TXNDC16: variants seen among roughly 807,000 people sequenced by gnomAD.
TXNDC16 encodes the protein thioredoxin domain-containing protein 16.
In TXNDC16, 74 loss-of-function variants were observed where a neutral mutation model predicts 85.6. That is an observed-to-expected ratio of 0.86 (90% CI 0.72 to 1.05). The LOEUF is 1.05. TXNDC16 is among the 50% of genes least tolerant of loss of function. TXNDC16 has a pLI of 0.00. For synonymous variants in TXNDC16, 335 were observed against 326.5 expected (o/e 1.03, Z -0.28); for missense variants, 959 against 947.0 (o/e 1.01, Z -0.17).
intron 14 of TXNDC16, among the ~76,000 whole-genome samples, chr14:52,480,975 G>GTATATATATATA (rs141877325): frequency 2.6e-4 from 35 of 134,992 alleles, no homozygotes; most frequent in Middle Eastern, 3.5e-3. Flanking sequence ...ATATATATAT[G>GTATATATATATA]TATATATATA....
intron 9 of TXNDC16, among the ~76,000 whole-genome samples, chr14:52,497,268 A>C (rs1039477178): frequency 6.6e-6 from 1 of 152,180 alleles, no homozygotes; most frequent in Non-Finnish European, 1.5e-5. Context: ...ACAACCTACC[A>C]AGACTGAATC....
chr14:52,520,821 A>G lies in TXNDC16; in HGVS notation c.393-1528T>C, dbSNP rs111655364. Reference sequence around the variant, plus strand: ...AACAAAGGTTCACTCAAATACTTCAAATAAATTAGTCAAACATCATTTCCT... The same window carrying G: ...AACAAAGGTTCACTCAAATACTTCAGATAAATTAGTCAAACATCATTTCCT... On this transcript the variant is annotated intron_variant, in intron 6 of 20. Coordinates refer to ENST00000281741, the MANE Select transcript of TXNDC16 (RefSeq NM_020784.3). 1.2e-3 allele frequency among the ~76,000 whole-genome samples: 180 copies of G among 152,106 alleles called. 1 individual carries two copies. The highest frequency in any genetic ancestry group is 4.2e-3 in the African/African-American group (174 of 41,520).
At chr14:52,435,222 A>G (rs1473956090) in intron 20 of TXNDC16, among the ~76,000 whole-genome samples, 1 of 149,168 alleles carries the variant, frequency 6.7e-6, no homozygotes, top group Non-Finnish European at 1.5e-5. Context: ...CTAGGGCAGG[A>G]GCTCAGGTTT....
At position 52,491,011 on chromosome 14, in the gene TXNDC16, T is replaced by C. The variant is rs1163038780; in HGVS notation, c.757-6A>G. The C allele has an allele frequency of 7.6e-6, 11 of 1,456,948 alleles. No individual in the cohort carries two copies. In the African/African-American group the frequency reaches 9.9e-5, roughly 13 times the overall value. The allele number at this position is 1,456,948 out of a possible 1,614,324, so 90.3% of individuals were successfully genotyped here. A position where few individuals can be genotyped will look rare whatever the true frequency, so the allele number is the denominator to read the frequency against. On this transcript the variant is annotated splice_region_variant and splice_polypyrimidine_tract_variant and intron_variant, in intron 9 of 20. Transcript: ENST00000281741. ...GGATCTTCAGCAACTTCAGTCTTCATTGAAAAAAAAAAAAAAAAAAGGTGT... is the reference window on the plus strand; with the variant it reads ...GGATCTTCAGCAACTTCAGTCTTCACTGAAAAAAAAAAAAAAAAAAGGTGT...
At chr14:52,512,593 CT>C (rs2036982256) in intron 8 of TXNDC16, among the ~76,000 whole-genome samples, 1 of 152,152 alleles carries the variant, frequency 6.6e-6, no homozygotes, top group Non-Finnish European at 1.5e-5. Flanking sequence ...ATAACACAGC[CT>C]CTGAAACAAC....
intron 18 of TXNDC16, among the ~76,000 whole-genome samples, chr14:52,450,556 C>T (rs2035383890): frequency 1.3e-5 from 2 of 151,134 alleles, no homozygotes; most frequent in African/African-American, 4.8e-5. Context: ...CAAATCAAAA[C>T]CGCAATGCAA....
intron 6 of TXNDC16, among the ~76,000 whole-genome samples, chr14:52,529,420 T>C (rs545458208): frequency 2.7e-5 from 4 of 150,684 alleles, no homozygotes; most frequent in Non-Finnish European, 4.4e-5. Flanking sequence ...CAGGTATACA[T>C]ATGTAACAAA....
At chr14:52,454,263 A>C (rs1301276166) in intron 18 of TXNDC16, among the ~76,000 whole-genome samples, 1 of 146,364 alleles carries the variant, frequency 6.8e-6, no homozygotes, top group Non-Finnish European at 1.5e-5. Context: ...CTGTCTCTAC[A>C]AAAAAATACC....
In TXNDC16 at chr14:52,490,792, C is replaced by G. The variant is rs1332923859; in HGVS notation, c.923+47G>C. The G allele has an allele frequency of 7.0e-6, 11 of 1,564,088 alleles. No homozygotes were observed. The East Asian group carries it at 2.5e-4, about 35-fold the overall frequency. ...ATTACCATATTTTAAAACGTGGAAA[C>G]TATTAGCGTTTTGCTAAATATAGTA... On this transcript the variant is annotated intron_variant, in intron 10 of 20. Coordinates refer to ENST00000281741, the MANE Select transcript of TXNDC16 (RefSeq NM_020784.3).
At chr14:52,456,723 G>T (rs141047141) in intron 17 of TXNDC16, among the ~76,000 whole-genome samples, 1,560 of 152,078 alleles carry the variant, frequency 0.01, 14 homozygotes, top group Non-Finnish European at 0.017. Context: ...ATACACACAC[G>T]TACCCACTCA....
chr14:52,504,690 A>G (rs1422895738), intron 9 of TXNDC16, among the ~76,000 whole-genome samples: 2 of 152,356 alleles, frequency 1.3e-5, no homozygotes, highest in South Asian at 2.1e-4. Flanking sequence ...AGCTAACATC[A>G]TAATGACAGG....
intron 16 of TXNDC16, among the ~76,000 whole-genome samples, chr14:52,463,545 G>GTTC (rs2140123914): frequency 1.3e-5 from 2 of 152,382 alleles, no homozygotes; most frequent in East Asian, 3.9e-4. Context: ...TTTACAGACA[G>GTTC]TAAGAGGAAG....
intron 18 of TXNDC16, among the ~76,000 whole-genome samples, chr14:52,453,075 GA>G (rs1306193775): frequency 9.2e-5 from 14 of 152,290 alleles, no homozygotes; most frequent in African/African-American, 3.1e-4. Flanking sequence ...ACAGGTACAT[GA>G]AAAGGTGCTC....
chr14:52,482,993 A>C (rs1594716534), intron 12 of TXNDC16, 28 bp from the exon 13 acceptor site: 7 of 1,567,302 alleles, frequency 4.5e-6, no homozygotes, highest in Non-Finnish European at 5.2e-6. Context: ...AAATTAATTT[A>C]AATATTGATG....
intron 9 of TXNDC16, among the ~76,000 whole-genome samples, chr14:52,505,400 G>C (rs1416945432): frequency 6.6e-6 from 1 of 152,114 alleles, no homozygotes; most frequent in Non-Finnish European, 1.5e-5. Flanking sequence ...CTAGAACTCA[G>C]GATTCAGAAA....
Position 52,458,643 on chromosome 14 carries a change from A to G in TXNDC16, c.1619-1469T>C, listed in dbSNP as rs565820528. ...CAAAGTAGAAAAGACACATGAGATT[A>G]TAAACTAGAAAGGACTGTGTGTCTG... On this transcript the variant is annotated intron_variant, in intron 16 of 20. Transcript: ENST00000281741. Among the ~76,000 whole-genome samples the G allele has an allele frequency of 3.0e-4, 46 of 152,364 alleles. No homozygotes were observed. The East Asian group carries it at 4.2e-3, about 14-fold the overall frequency.
In TXNDC16 at chr14:52,482,986, T is replaced by C. The variant is rs758184296; in HGVS notation, c.1109-21A>G. 4.4e-6 allele frequency: 7 copies of C among 1,578,444 alleles called. No individual in the cohort carries two copies. The South Asian group carries it at 4.6e-5, about 10-fold the overall frequency. On this transcript the variant is annotated intron_variant, in intron 12 of 20. Coordinates refer to ENST00000281741, the MANE Select transcript of TXNDC16 (RefSeq NM_020784.3). The stretch of plus-strand genomic sequence containing the variant: ...AACATCTAAAATGTTGGAAAAGAAA[T>C]TAATTTAAATATTGATGTATAATGA...
intron 16 of TXNDC16, among the ~76,000 whole-genome samples, chr14:52,463,437 A>G (rs1302576214): frequency 1.3e-5 from 2 of 152,204 alleles, no homozygotes; most frequent in Non-Finnish European, 2.9e-5. Flanking sequence ...TAAATTTAAT[A>G]GAGTTTAACC....
intron 16 of TXNDC16, among the ~76,000 whole-genome samples, chr14:52,467,545 A>G (rs543574412): frequency 8.3e-4 from 127 of 152,292 alleles, no homozygotes; most frequent in African/African-American, 2.7e-3. Context: ...CCACAACAAG[A>G]TATCACCTCA....
Sources: allele counts gnomAD v4.1 joint callset (sites outside exome capture counted in the v4.1 genomes callset), GRCh38; gene constraint gnomAD v4.1.1; transcripts MANE v1.5; gene names NCBI Gene and HGNC (gene_info 2026-07-23, HGNC 2026-07-21).